Variants in CARMIL1 observed in about 807,000 individuals in gnomAD.
CARMIL1 encodes capping protein regulator and myosin 1 linker 1, also known as F-actin-uncapping protein LRRC16A.
In CARMIL1, 90 loss-of-function variants were observed where a neutral mutation model predicts 177.1. The observed-to-expected ratio is 0.51, with a 90% CI of 0.43 to 0.61. The LOEUF is 0.61. Among genes scored for constraint, CARMIL1 ranks in the 20% least tolerant of loss-of-function variants. The pLI, the probability that CARMIL1 is intolerant of heterozygous loss-of-function variation, is 0.00. For missense variants in CARMIL1, 1,380 were observed against 1,667.0 expected, an observed-to-expected ratio of 0.83 and a Z score of 3.00; for synonymous variants, 577 against 606.2, an observed-to-expected ratio of 0.95 and a Z score of 0.71.
intron 2 of CARMIL1, among the ~76,000 whole-genome samples, chr6:25,359,298 T>A (rs1788952018): frequency 6.6e-6 from 1 of 152,230 alleles, no homozygotes; most frequent in Non-Finnish European, 1.5e-5. Flanking sequence ...TTCAGTGAGC[T>A]AGTGTTTCAG....
chr6:25,522,053 A>G (rs1002063413), intron 23 of CARMIL1, among the ~76,000 whole-genome samples: 2 of 151,948 alleles, frequency 1.3e-5, no homozygotes, highest in African/African-American at 4.8e-5. Context: ...TTCCTCTATC[A>G]TTTCTTCCTT....
chr6:25,526,924 T>G (rs1582250069), intron 23 of CARMIL1, among the ~76,000 whole-genome samples: 1 of 152,282 alleles, frequency 6.6e-6, no homozygotes, highest in East Asian at 1.9e-4. Context: ...GATTTTTGTC[T>G]TCTGGAAAAA....
At position 25,328,319 on chromosome 6, in the gene CARMIL1, G is replaced by T. The variant is rs141299838; in HGVS notation, c.138+43410G>T. Among the ~76,000 whole-genome samples, 373 of 152,024 alleles carry T rather than the reference G, an allele frequency of 2.5e-3. 4 individuals are homozygous for T. The highest frequency in any genetic ancestry group is 5.8e-3 in the Admixed American group (88 of 15,268). ...TAAGGCATTTAAATTAGTTTTGTTA[G>T]CAAGTACTGCATGGAACAGGAAGAC... On this transcript the variant is annotated intron_variant, in intron 2 of 36. Transcript: ENST00000329474.
At chr6:25,286,308 A>G (rs1216937631) in intron 2 of CARMIL1, among the ~76,000 whole-genome samples, 1 of 152,226 alleles carries the variant, frequency 6.6e-6, no homozygotes, top group Non-Finnish European at 1.5e-5. Context: ...TTTTCTTGTT[A>G]GTAAGGATTA....
chr6:25,307,434 T>C (rs1240728811), intron 2 of CARMIL1, among the ~76,000 whole-genome samples: 1 of 152,248 alleles, frequency 6.6e-6, no homozygotes, highest in Non-Finnish European at 1.5e-5. Flanking sequence ...TGTCCACCTT[T>C]TTTGTACCTT....
chr6:25,369,806 G>T (rs76568243), intron 2 of CARMIL1: 2 of 152,160 alleles, frequency 1.3e-5, no homozygotes, highest in Non-Finnish European at 2.9e-5. Flanking sequence ...AAACTGAAAG[G>T]TGCTTTCAGA....
At position 25,465,949 on chromosome 6, in the gene CARMIL1, G is replaced by T. The variant is rs781431987; in HGVS notation, c.690+1G>T. On this transcript the variant is annotated splice_donor_variant, in intron 9 of 36. Coordinates refer to ENST00000329474, the MANE Select transcript of CARMIL1 (RefSeq NM_017640.6). LOFTEE classifies it high-confidence loss of function. ...ACTGTCCTCTAAGGATCTAAAACTG[G>T]TAAGTAATCAAACATGCAGCAAATG... 2 of 1,602,126 alleles carry T rather than the reference G, an allele frequency of 1.2e-6. No individual in the cohort carries two copies.
intron 2 of CARMIL1, among the ~76,000 whole-genome samples, chr6:25,384,578 C>T (rs1287694619): frequency 6.6e-6 from 1 of 152,194 alleles, no homozygotes; most frequent in Non-Finnish European, 1.5e-5. Flanking sequence ...CTGTGTATGC[C>T]CACATGGCAC....
intron 4 of CARMIL1, chr6:25,432,881 A>G (rs1796929403): frequency 7.0e-6 from 1 of 143,332 alleles, no homozygotes. Context: ...TTTGAATCAT[A>G]CATAAGTTAC....
At chr6:25,508,435 G>A (rs1048125483) in intron 17 of CARMIL1, among the ~76,000 whole-genome samples, 1 of 152,194 alleles carries the variant, frequency 6.6e-6, no homozygotes, top group Admixed American at 6.5e-5. Flanking sequence ...GGTGGCACAT[G>A]CCTGTAATTC....
chr6:25,279,739 C>T lies in CARMIL1; in HGVS notation c.-57C>T. The T allele has an allele frequency of 6.4e-7, 1 of 1,550,776 alleles. No homozygotes were observed. The highest frequency in any genetic ancestry group is 8.9e-7 in the Non-Finnish European group (1 of 1,122,370). ...AAAAATTGAGGAGTTCGGGGAAGGG[C>T]AGGGGGCCATAAATCAGAGTTGGAC... On this transcript the variant is annotated 5_prime_UTR_variant, in exon 1 of 37. Coordinates refer to ENST00000329474, the MANE Select transcript of CARMIL1 (RefSeq NM_017640.6).
intron 23 of CARMIL1, among the ~76,000 whole-genome samples, chr6:25,520,687 A>G (rs1045936131): frequency 2.0e-5 from 3 of 152,178 alleles, no homozygotes; most frequent in African/African-American, 7.2e-5. Flanking sequence ...TCCTCAACAG[A>G]TGGATCCCTC....
At chr6:25,555,518 G>C (rs919997080) in intron 28 of CARMIL1, among the ~76,000 whole-genome samples, 1 of 152,074 alleles carries the variant, frequency 6.6e-6, no homozygotes, top group African/African-American at 2.4e-5. Context: ...TCCTGACTCA[G>C]CCTCCCGAGT....
chr6:25,309,540 C>T (rs1783600348), intron 2 of CARMIL1, among the ~76,000 whole-genome samples: 1 of 151,454 alleles, frequency 6.6e-6, no homozygotes. Flanking sequence ...CCCAGTCCAC[C>T]TATCCTTCTC....
At chr6:25,338,567 T>A (rs1038277497) in intron 2 of CARMIL1, among the ~76,000 whole-genome samples, 4 of 141,020 alleles carry the variant, frequency 2.8e-5, no homozygotes, top group South Asian at 2.3e-4. Context: ...TTTTTTTTTT[T>A]ATTTCTTGAC....
In CARMIL1 at chr6:25,511,554, C is replaced by T. The variant is rs779813935; in HGVS notation, c.1632+792C>T. Among the ~76,000 whole-genome samples the T allele has an allele frequency of 2.0e-5, 3 of 152,154 alleles. No homozygotes were observed. In the South Asian group the frequency reaches 6.2e-4, roughly 32 times the overall value. ...ATTCCTACTATGAAGAGTCACATTA[C>T]TCATGTTTTGTAATAGCTACTTTTG... On this transcript the variant is annotated intron_variant, in intron 20 of 36. Transcript: ENST00000329474.
chr6:25,393,252 G>A (rs1793053958), intron 2 of CARMIL1, among the ~76,000 whole-genome samples: 1 of 152,046 alleles, frequency 6.6e-6, no homozygotes, highest in South Asian at 2.1e-4. Flanking sequence ...TTATAGGTGA[G>A]ATTTCTATAA....
chr6:25,559,013 T>G, intron 29 of CARMIL1, among the ~76,000 whole-genome samples: 1 of 152,304 alleles, frequency 6.6e-6, no homozygotes, highest in East Asian at 1.9e-4. Flanking sequence ...TATTTTTGTG[T>G]GTGTAAAAAG....
At chr6:25,330,657 T>A (rs1785529112) in intron 2 of CARMIL1, among the ~76,000 whole-genome samples, 1 of 145,098 alleles carries the variant, frequency 6.9e-6, no homozygotes, top group Non-Finnish European at 1.5e-5. Context: ...CTGGGCAACA[T>A]AGTGAGACGC....
Sources: gnomAD v4.1 joint callset for allele counts (sites outside exome capture counted in the v4.1 genomes callset) on GRCh38, gnomAD v4.1.1 for gene constraint, MANE v1.5 for transcripts, NCBI Gene and HGNC (gene_info 2026-07-23, HGNC 2026-07-21) for gene names.